VAV1: variants seen among roughly 807,000 people sequenced by gnomAD.
VAV1 encodes the protein proto-oncogene vav.
Under a neutral mutation model 128.1 loss-of-function variants are expected in VAV1, and 33 were observed. The ratio of observed to expected loss-of-function variants is 0.26; its 90% CI spans 0.20 to 0.34. The LOEUF is 0.34. Ranked by LOEUF, VAV1 falls within the 10% of genes least tolerant of loss-of-function variation. The pLI is 1.00. For synonymous variants in VAV1, 394 were observed against 409.8 expected (o/e 0.96, Z 0.47); for missense variants, 715 against 1,093.7 (o/e 0.65, Z 4.88).
chr19:6,808,089 G>A lies in VAV1; in HGVS notation c.205-12613G>A, dbSNP rs183799569. Among the ~76,000 whole-genome samples, 512 of 151,964 alleles carry A rather than the reference G, an allele frequency of 3.4e-3. 3 individuals carry two copies. Among genetic ancestry groups the A allele is most frequent in the African/African-American group, 0.012 (487 of 41,436 alleles). Reference sequence around the variant, plus strand: ...GCACTTTGGGAGGCCGAGGCAGGTGGATTGCCTGAGGTCAGGAGTTTGAGA... The same window carrying A: ...GCACTTTGGGAGGCCGAGGCAGGTGAATTGCCTGAGGTCAGGAGTTTGAGA... On this transcript the variant is annotated intron_variant, in intron 1 of 26. Transcript: ENST00000602142.
chr19:6,780,123 A>G (rs1257098862), intron 1 of VAV1, among the ~76,000 whole-genome samples: 1 of 130,786 alleles, frequency 7.6e-6, no homozygotes, highest in Non-Finnish European at 1.7e-5. Flanking sequence ...AATAATAATA[A>G]TAATAATAAT....
At chr19:6,824,901 A>G in intron 6 of VAV1, 152 bp from the exon 7 acceptor site, 1 of 858,632 alleles carries the variant, frequency 1.2e-6, no homozygotes, top group Non-Finnish European at 1.9e-6. Flanking sequence ...GTTATTATGA[A>G]TAATTTCACT....
In VAV1 at chr19:6,826,827, C is replaced by T. The variant is rs1971930217; in HGVS notation, c.927+116C>T. ...TTTCTGCTGCAGCCCAGCCAGAGAT[C>T]CACCAAAGGACTAGGGAGGGAGGTA... On this transcript the variant is annotated intron_variant, in intron 9 of 26. Coordinates refer to ENST00000602142, the MANE Select transcript of VAV1 (RefSeq NM_005428.4). This position sits in a 1 kb window ranked among gnomAD's most constrained non-coding sequence, Gnocchi z 4.1. The T allele has an allele frequency of 2.4e-6, 2 of 818,562 alleles. No homozygotes were observed. The highest frequency in any genetic ancestry group is 2.7e-5 in the East Asian group (1 of 37,594). 50.7% of individuals were successfully genotyped at this position (818,562 alleles called of 1,614,324 possible).
intron 1 of VAV1, among the ~76,000 whole-genome samples, chr19:6,791,502 A>G (rs1463325707): frequency 6.6e-6 from 1 of 151,902 alleles, no homozygotes; most frequent in Non-Finnish European, 1.5e-5. Context: ...GGTCCTTGAG[A>G]TATCTCCTCA....
chr19:6,848,088 T>C lies in VAV1; in HGVS notation c.2103T>C (p.Asp701=). 6.4e-7 allele frequency: 1 copy of C among 1,554,608 alleles called. No homozygotes were observed. The highest frequency in any genetic ancestry group is 1.2e-5 in the South Asian group (1 of 82,822). ...TCTTGGTGCGGCAGAGGGTGAAGGA[T>C]GCAGCAGAATTTGCCATCAGCATTA... ...GTFLVRQRVK[D]AAEFAISIKY... is the part of the protein sequence containing the mutation. The change falls in exon 23 of 27, where the codon GAT becomes GAC. Residue 701 remains aspartate, a synonymous_variant. Transcript: ENST00000602142.
At chr19:6,798,287 A>G (rs1293578967) in intron 1 of VAV1, among the ~76,000 whole-genome samples, 1 of 152,012 alleles carries the variant, frequency 6.6e-6, no homozygotes, top group African/African-American at 2.4e-5. Flanking sequence ...AAAAAAAAAT[A>G]TATGATTTGG....
intron 23 of VAV1, among the ~76,000 whole-genome samples, chr19:6,849,998 C>T (rs763366547): frequency 1.3e-5 from 2 of 151,912 alleles, no homozygotes; most frequent in African/African-American, 2.4e-5. Flanking sequence ...TTTAGTTCTT[C>T]GAGAAACCTC....
intron 21 of VAV1, among the ~76,000 whole-genome samples, chr19:6,842,705 C>A (rs571577807): frequency 5.9e-5 from 9 of 151,958 alleles, no homozygotes; most frequent in African/African-American, 2.2e-4. Flanking sequence ...TGTGGTGGTG[C>A]GTACCTGTAG....
In VAV1 at chr19:6,774,834, A is replaced by T. The variant is rs997254844; in HGVS notation, c.204+1823A>T. Among the ~76,000 whole-genome samples, 7 of 149,616 alleles carry T rather than the reference A, an allele frequency of 4.7e-5. No homozygotes were observed. The South Asian group carries it at 1.3e-3, about 27-fold the overall frequency. On this transcript the variant is annotated intron_variant, in intron 1 of 26. Transcript: ENST00000602142. Reference sequence around the variant, plus strand: ...CGGTGGTGCAATCTTGGCTCACTGCACCCTCCACTTCCTGGGTTCAAGTGG... The same window carrying T: ...CGGTGGTGCAATCTTGGCTCACTGCTCCCTCCACTTCCTGGGTTCAAGTGG...
intron 1 of VAV1, among the ~76,000 whole-genome samples, chr19:6,789,758 C>T (rs148162938): frequency 4.6e-4 from 70 of 152,156 alleles, no homozygotes; most frequent in African/African-American, 1.3e-3. Flanking sequence ...CCACCATATC[C>T]GGCTAATTTT....
rs140199574 is a variant in VAV1, at chr19:6,831,469, G to A, written c.1399-622G>A. ...TGGGATTACAGGTGCCCGCCACCAC[G>A]CCCAGCTAATTTTTTTGTATTTTTA... On this transcript the variant is annotated intron_variant, in intron 14 of 26. Coordinates refer to ENST00000602142, the MANE Select transcript of VAV1 (RefSeq NM_005428.4). Among the ~76,000 whole-genome samples, 1,404 of 152,118 alleles carry A rather than the reference G, an allele frequency of 9.2e-3. 8 individuals are homozygous for A. Among genetic ancestry groups the A allele is most frequent in the South Asian group, 0.023 (112 of 4,816 alleles).
At chr19:6,800,668 AGGCTGTGCAGT>A (rs1291137167) in intron 1 of VAV1, among the ~76,000 whole-genome samples, 1 of 147,706 alleles carries the variant, frequency 6.8e-6, no homozygotes, top group African/African-American at 2.5e-5. Context: ...TCTGTTGCCC[AGGCTGTGCAGT>A]GGCGTGATCT....
At chr19:6,780,347 T>A (rs1970743108) in intron 1 of VAV1, among the ~76,000 whole-genome samples, 1 of 149,860 alleles carries the variant, frequency 6.7e-6, no homozygotes, top group Non-Finnish European at 1.5e-5. Flanking sequence ...TGCAGTTGTG[T>A]GTTGCTTAAT....
intron 13 of VAV1, among the ~76,000 whole-genome samples, chr19:6,829,530 C>G (rs766117416): frequency 9.2e-5 from 14 of 152,008 alleles, no homozygotes; most frequent in Non-Finnish European, 1.9e-4. Context: ...GTGGTAGACC[C>G]ATCCAGAGAA....
chr19:6,801,347 A>G (rs1452171931), intron 1 of VAV1, among the ~76,000 whole-genome samples: 2 of 152,070 alleles, frequency 1.3e-5, no homozygotes, highest in Non-Finnish European at 2.9e-5. Flanking sequence ...AGCTCCCTCA[A>G]CTTGCCGGGC....
intron 13 of VAV1, among the ~76,000 whole-genome samples, chr19:6,829,494 G>A (rs1972005268): frequency 1.3e-5 from 2 of 152,110 alleles, no homozygotes. Flanking sequence ...CTGAGTGGGG[G>A]TGAGGCAAGA....
Position 6,857,272 on chromosome 19 carries a change from G to A in VAV1, c.*165G>A, listed in dbSNP as rs961641318. ...GTGCTCCCGGGATGTGCCCTGACAT[G>A]GTTAATTTATAACACCCCGATTTCC... On this transcript the variant is annotated 3_prime_UTR_variant, in exon 27 of 27. Coordinates refer to ENST00000602142, the MANE Select transcript of VAV1 (RefSeq NM_005428.4). The A allele has an allele frequency of 1.4e-5, 12 of 878,828 alleles. No homozygotes were observed. Among genetic ancestry groups the A allele is most frequent in the Middle Eastern group, 3.5e-4 (1 of 2,836 alleles). The allele number at this position is 878,828 out of a possible 1,614,324, so 54.4% of individuals were successfully genotyped here.
chr19:6,778,769 G>A (rs1970698653), intron 1 of VAV1, among the ~76,000 whole-genome samples: 1 of 152,086 alleles, frequency 6.6e-6, no homozygotes, highest in Admixed American at 6.6e-5. Flanking sequence ...TTGCCTGGGT[G>A]TGGTGGCTCG....
At position 6,777,090 on chromosome 19, in the gene VAV1, AC is replaced by A. The variant is rs1291096805; in HGVS notation, c.204+4082del. Among the ~76,000 whole-genome samples, 2 of 150,470 alleles carry A rather than the reference AC, an allele frequency of 1.3e-5. No individual in the cohort carries two copies. The highest frequency in any genetic ancestry group is 4.9e-5 in the African/African-American group (2 of 40,824). The stretch of plus-strand genomic sequence containing the variant: ...CTATCTATCATCCACCTGCCCACCC[AC>A]CCATCCATCCATCTACTCATCCATC... On this transcript the variant is annotated intron_variant, in intron 1 of 26. Transcript: ENST00000602142. The surrounding 1 kb of genome is among the most constrained non-coding windows in gnomAD (Gnocchi z 4.4).
Sources: allele counts gnomAD v4.1 joint callset (sites outside exome capture counted in the v4.1 genomes callset), GRCh38; gene constraint gnomAD v4.1.1; non-coding constraint Gnocchi (gnomAD v3.1); transcripts MANE v1.5; gene names NCBI Gene and HGNC (gene_info 2026-07-23, HGNC 2026-07-21).